COPS7B: variants seen among roughly 807,000 people sequenced by gnomAD.
The protein encoded by COPS7B is COP9 signalosome complex subunit 7b.
COPS7B carries 9 observed loss-of-function variants against 33.4 expected under a neutral mutation model. That is an observed-to-expected ratio of 0.27 (90% CI 0.16 to 0.47). The LOEUF is 0.47. COPS7B is among the 20% of genes least tolerant of loss of function. The pLI is 0.99. For missense variants in COPS7B, 242 were observed against 318.2 expected (o/e 0.76, Z 1.82); for synonymous variants, 119 against 126.3 (o/e 0.94, Z 0.39).
At chr2:231,786,254 T>TA (rs2106302894), upstream of COPS7B, 1 of 174,242 alleles carries the variant, frequency 5.7e-6, no homozygotes, top group South Asian at 1.9e-4. Context: ...CTTGGGCCCC[T>TA]AGCCACCCCC....
chr2:231,791,581 A>G (rs1210900565), intron 2 of COPS7B, 152 bp from the exon 3 acceptor site: 1 of 601,098 alleles, frequency 1.7e-6, no homozygotes, highest in East Asian at 2.8e-5. Context: ...CCGAAGAACC[A>G]GAGTTGGTAG....
chr2:231,804,922 G>C lies in COPS7B; in HGVS notation c.637-2565G>C, dbSNP rs1379346562. Among the ~76,000 whole-genome samples, 6 of 152,116 alleles carry C rather than the reference G, an allele frequency of 3.9e-5. No homozygotes were observed. The East Asian group carries it at 1.2e-3, about 29-fold the overall frequency. On this transcript the variant is annotated intron_variant, in intron 6 of 6. Transcript: ENST00000350033. ...GTCGTTACCTCTTATTATGATTTTA[G>C]TTCATTTTCTTCTGGATATTTAGAA...
chr2:231,806,514 C>T (rs547889146), intron 6 of COPS7B, among the ~76,000 whole-genome samples: 2 of 145,170 alleles, frequency 1.4e-5, no homozygotes, highest in Non-Finnish European at 3.0e-5. Context: ...GATTGTGCCA[C>T]TATACTCCAT....
chr2:231,794,919 ATT>A (rs906484977), intron 4 of COPS7B, among the ~76,000 whole-genome samples: 39 of 135,748 alleles, frequency 2.9e-4, no homozygotes, highest in Middle Eastern at 3.9e-3. Flanking sequence ...CGCCCGGCTA[ATT>A]TTTTTTTTTT....
chr2:231,785,082 A>T (rs1041169911), upstream of COPS7B, among the ~76,000 whole-genome samples: 3 of 152,218 alleles, frequency 2.0e-5, no homozygotes, highest in African/African-American at 7.2e-5. Context: ...AAGTGCTGGG[A>T]TTACAGGCGT....
intron 6 of COPS7B, among the ~76,000 whole-genome samples, chr2:231,801,941 AT>A (rs1451994754): frequency 5.3e-5 from 8 of 151,854 alleles, no homozygotes; most frequent in African/African-American, 1.9e-4. Context: ...CGCCCAGCTA[AT>A]TTTTGTATTT....
At chr2:231,802,253 C>G (rs900497539) in intron 6 of COPS7B, among the ~76,000 whole-genome samples, 2 of 152,278 alleles carry the variant, frequency 1.3e-5, no homozygotes, top group South Asian at 2.1e-4. Context: ...TAGTGACAAT[C>G]TTGAGATTTA....
At chr2:231,805,449 TA>T (rs1286638483) in intron 6 of COPS7B, among the ~76,000 whole-genome samples, 14 of 34,204 alleles carry the variant, frequency 4.1e-4, no homozygotes, top group Non-Finnish European at 5.8e-4. Context: ...TTAAATTTTA[TA>T]TATATATATA....
At position 231,808,668 on chromosome 2, in the gene COPS7B, A is replaced by AT. The variant is rs60365791; in HGVS notation, c.*1036dup. 29,354 of 252,976 alleles carry AT rather than the reference A, an allele frequency of 0.12. 201 individuals carry two copies. The highest frequency in any genetic ancestry group is 0.2 in the South Asian group (5,317 of 26,564). 15.7% of individuals were successfully genotyped at this position (252,976 alleles called of 1,614,324 possible). Reference sequence around the variant, plus strand: ...TTGAACAGTTTCAGGTTATATTTTAATTTTTTTTTTTTTGTACAGGTTCTG... The same window carrying AT: ...TTGAACAGTTTCAGGTTATATTTTAATTTTTTTTTTTTTTGTACAGGTTCTG... On this transcript the variant is annotated 3_prime_UTR_variant, in exon 7 of 7. Coordinates refer to ENST00000350033, the MANE Select transcript of COPS7B (RefSeq NM_022730.4).
Position 231,791,762 on chromosome 2 carries a change from G to A in COPS7B, c.192G>A (p.Leu64=), listed in dbSNP as rs776202292. The A allele has an allele frequency of 2.5e-5, 40 of 1,614,040 alleles. No homozygotes were observed. In the Admixed American group the frequency reaches 3.7e-4, roughly 15 times the overall value. ...CGGAAGGAGCTAATGCTGCTTATTT[G>A]CAGTTGTTGAACCTGTTTGCCTATG... is the stretch of plus-strand genomic sequence containing the variant. The part of the protein sequence containing the change: ...ELAEGANAAY[L]QLLNLFAYGT... The change falls in exon 3 of 7, where the codon TTG becomes TTA. Residue 64 remains leucine, a synonymous_variant. Coordinates refer to ENST00000350033, the MANE Select transcript of COPS7B (RefSeq NM_022730.4).
chr2:231,785,243 C>T (rs1365025972), upstream of COPS7B, among the ~76,000 whole-genome samples: 1 of 152,224 alleles, frequency 6.6e-6, no homozygotes, highest in Admixed American at 6.5e-5. Context: ...CATACCTCTC[C>T]TTAGCTTAAA....
At position 231,809,189 on chromosome 2, in the gene COPS7B, C is replaced by T. The variant is rs529774400; in HGVS notation, c.*1544C>T. 1 of 152,454 alleles carries T rather than the reference C, an allele frequency of 6.6e-6. No homozygotes were observed. The highest frequency in any genetic ancestry group is 6.5e-5 in the Admixed American group (1 of 15,288). The allele number at this position is 152,454 out of a possible 1,614,324, so 9.4% of individuals were successfully genotyped here. ...TTCCAAAGTATGTTTCATGCAGCCC[C>T]CTGTCAGCTGCTCTGTGGAAAAGGG... On this transcript the variant is annotated 3_prime_UTR_variant, in exon 7 of 7. Transcript: ENST00000350033.
intron 4 of COPS7B, 71 bp from the exon 5 acceptor site, chr2:231,796,035 G>A: frequency 7.5e-7 from 1 of 1,327,374 alleles, no homozygotes; most frequent in Non-Finnish European, 1.1e-6. Context: ...GTTGGCTATG[G>A]GAGTAATACC....
rs778682256 is a variant in COPS7B, at chr2:231,794,339, A to G, written c.315A>G (p.Ala105=). 1 of 1,613,942 alleles carries G rather than the reference A, an allele frequency of 6.2e-7. No individual in the cohort carries two copies. Among genetic ancestry groups the G allele is most frequent in the South Asian group, 1.1e-5 (1 of 91,056 alleles). The change falls in exon 4 of 7, where the codon GCA becomes GCG. Residue 105 remains alanine (A), a synonymous_variant. Transcript: ENST00000350033. The part of the protein sequence containing the change: ...KLKHLTIVSL[A]SRMKCIPYSV... Reference sequence around the variant, plus strand: ...AGCATCTTACCATCGTGAGCTTGGCATCAAGAATGAAGGTACGGTACTGAG... The same window carrying G: ...AGCATCTTACCATCGTGAGCTTGGCGTCAAGAATGAAGGTACGGTACTGAG...
chr2:231,793,649 A>G (rs1447126086), intron 3 of COPS7B: 1 of 152,236 alleles, frequency 6.6e-6, no homozygotes, highest in African/African-American at 2.4e-5. Context: ...TGTACTTTCC[A>G]AATGATACTG....
rs1413783481 is a variant in COPS7B at position 231,809,095 on chromosome 2, CTT to C, written c.*1451_*1452del. 6.6e-6 allele frequency: 1 copy of C among 152,282 alleles called. No homozygotes were observed. Among genetic ancestry groups the C allele is most frequent in the Non-Finnish European group, 1.5e-5 (1 of 68,160 alleles). The allele number at this position is 152,282 out of a possible 1,614,324, so 9.4% of individuals were successfully genotyped here. A position where few individuals can be genotyped will look rare whatever the true frequency, so the allele number is the denominator to read the frequency against. On this transcript the variant is annotated 3_prime_UTR_variant, in exon 7 of 7. Transcript: ENST00000350033. ...ACTGTTGATCAAATGTTGAAGTATT[CTT>C]GTTTCCCTTTTAAGCCAATCCATGT... is the stretch of plus-strand genomic sequence containing the variant.
At chr2:231,801,189 TAAC>T in intron 6 of COPS7B, 2 of 1,550,550 alleles carry the variant, frequency 1.3e-6, no homozygotes, top group Non-Finnish European at 1.7e-6. Context: ...CTGAATCTTA[TAAC>T]AACAGCTTTC....
At chr2:231,786,192 G>C (rs546673581), upstream of COPS7B, 1 of 152,948 alleles carries the variant, frequency 6.5e-6, no homozygotes, top group African/African-American at 2.4e-5. Context: ...TGGGGCCCGG[G>C]ATGGCGATGG....
At chr2:231,788,384 C>T (rs1439530153) in intron 1 of COPS7B, among the ~76,000 whole-genome samples, 171 bp from the exon 2 acceptor site, 1 of 152,218 alleles carries the variant, frequency 6.6e-6, no homozygotes, top group African/African-American at 2.4e-5. Context: ...GATCCACCCG[C>T]CTCAGCCTCC....
Sources: allele counts gnomAD v4.1 joint callset (sites outside exome capture counted in the v4.1 genomes callset), GRCh38; gene constraint gnomAD v4.1.1; transcripts MANE v1.5; gene names NCBI Gene and HGNC (gene_info 2026-07-23, HGNC 2026-07-21).